Variants in WDR81 observed in about 807,000 individuals in gnomAD.
The protein encoded by WDR81 is WD repeat domain 81, also known as WD repeat-containing protein 81.
A neutral mutation model predicts 140.8 loss-of-function variants in WDR81; 92 were observed. The observed-to-expected ratio is 0.65, with a 90% CI of 0.55 to 0.78. WDR81 has a LOEUF of 0.78. Ranked by LOEUF, WDR81 falls within the 30% of genes least tolerant of loss-of-function variation. WDR81 has a pLI of 0.00. For synonymous variants in WDR81, 1,183 were observed against 1,156.4 expected (o/e 1.02, Z -0.47); for missense variants, 2,502 against 2,636.4 (o/e 0.95, Z 1.12).
chr17:1,733,017 GC>G, intron 6 of WDR81, 186 bp downstream of exon 6: 1 of 697,622 alleles, frequency 1.4e-6, no homozygotes, highest in Non-Finnish European at 2.2e-6. Context: ...CTGAGCAGTA[GC>G]CAGCAAGAGA....
chr17:1,728,760 C>G (rs528217170), intron 1 of WDR81, 134 bp downstream of exon 1: 7 of 1,199,352 alleles, frequency 5.8e-6, no homozygotes, highest in Non-Finnish European at 7.6e-6. Flanking sequence ...CGAGACCATC[C>G]TAATAACAAG....
At chr17:1,730,692 G>T (rs983605393) in intron 2 of WDR81, 63 bp from the exon 3 acceptor site, 89 of 1,534,064 alleles carry the variant, frequency 5.8e-5, no homozygotes, top group Non-Finnish European at 7.4e-5. Context: ...GCACAGCCCT[G>T]CAGGGCCAGG....
upstream of WDR81, among the ~76,000 whole-genome samples, chr17:1,723,216 G>A (rs1231176295): frequency 3.3e-5 from 5 of 151,884 alleles, no homozygotes; most frequent in East Asian, 1.9e-4. Flanking sequence ...ATCCTGTGCC[G>A]CACCCTTCCC....
At chr17:1,728,957 A>G (rs1434574196) in intron 1 of WDR81, among the ~76,000 whole-genome samples, 3 of 151,954 alleles carry the variant, frequency 2.0e-5, no homozygotes, top group Non-Finnish European at 4.4e-5. Context: ...CATCTCAAAA[A>G]AACAAAACAA....
At chr17:1,724,665 C>A, upstream of WDR81, 2 of 1,045,006 alleles carry the variant, frequency 1.9e-6, no homozygotes, top group Non-Finnish European at 2.3e-6. Flanking sequence ...GAGCCACGTG[C>A]GCTTGTTTCC....
Position 1,725,889 on chromosome 17 carries a change from G to A in WDR81, c.930G>A (p.Glu310=), listed in dbSNP as rs373905464. 33 of 1,550,914 alleles carry A rather than the reference G, an allele frequency of 2.1e-5. No individual in the cohort carries two copies. In the African/African-American group the frequency reaches 4.4e-4, roughly 21 times the overall value. ...RLDLSAYERP[E]EDENEEAPVA... is the part of the protein sequence containing the mutation. Reference sequence around the variant, plus strand: ...ACCTGAGTGCTTATGAGAGGCCCGAGGAGGACGAGAATGAGGAGGCCCCTG... The same window carrying A: ...ACCTGAGTGCTTATGAGAGGCCCGAAGAGGACGAGAATGAGGAGGCCCCTG... The change falls in exon 1 of 10, where the codon GAG becomes GAA. Residue 310 remains glutamate (E), a synonymous_variant. Coordinates refer to ENST00000409644, the MANE Select transcript of WDR81 (RefSeq NM_001163809.2).
Position 1,727,491 on chromosome 17 carries a change from A to G in WDR81, c.2532A>G (p.Gln844=). ...GAGCAGAGAGGGGCAAGCTGGACCA[A>G]CTGTTTGAGTACAGGCCTGTCTCCC... ...PMGAERGKLD[Q]LFEYRPVSQG... is the part of the protein sequence containing the mutation. Residue 844 remains glutamine (Q), a synonymous_variant, in exon 1 of 10, where the codon CAA becomes CAG. Coordinates refer to ENST00000409644, the MANE Select transcript of WDR81 (RefSeq NM_001163809.2). 1.3e-6 allele frequency: 2 copies of G among 1,550,364 alleles called. No individual in the cohort carries two copies.
Position 1,725,519 on chromosome 17 carries a change from G to A in WDR81, c.560G>A (p.Cys187Tyr). The A allele has an allele frequency of 6.5e-7, 1 of 1,545,698 alleles. No homozygotes were observed. Reference sequence around the variant, plus strand: ...CAGGCTCTGCAGAGGGTCTATGGTTGCTCCTTCCTGCCAGTGGGTGAAACT... The same window carrying A: ...CAGGCTCTGCAGAGGGTCTATGGTTACTCCTTCCTGCCAGTGGGTGAAACT... ...VRQALQRVYG[C>Y]SFLPVGETTQ... Residue 187 changes from cysteine to tyrosine, a missense_variant, in exon 1 of 10, where the codon TGC becomes TAC. Cys to Tyr is a radical substitution (Grantham distance 194). Around this residue, in one of 3 missense-constraint regions of WDR81, gnomAD observed 547 missense variants for 513.8 expected, o/e 1.06. Transcript: ENST00000409644.
Position 1,733,774 on chromosome 17 carries a change from C to T in WDR81, c.4737C>T (p.Pro1579=), listed in dbSNP as rs111943038. Residue 1579 remains proline, a synonymous_variant, in exon 7 of 10, where the codon CCC becomes CCT. Coordinates refer to ENST00000409644, the MANE Select transcript of WDR81 (RefSeq NM_001163809.2). ...QIPNDSRPEN[P]GPLGPISGVG... Reference sequence around the variant, plus strand: ...CCAATGACTCTCGGCCTGAGAACCCCGGACCACTGGGCCCCATCTCGGGGG... The same window carrying T: ...CCAATGACTCTCGGCCTGAGAACCCTGGACCACTGGGCCCCATCTCGGGGG... The T allele has an allele frequency of 6.5e-4, 1,045 of 1,612,458 alleles. 11 individuals are homozygous for T. The African/African-American group carries it at 0.012, about 18-fold the overall frequency.
At chr17:1,721,479 A>C (rs895603547), upstream of WDR81, among the ~76,000 whole-genome samples, 1 of 151,362 alleles carries the variant, frequency 6.6e-6, no homozygotes, top group Non-Finnish European at 1.5e-5. Flanking sequence ...GTGACAAATC[A>C]CTGCACTGCA....
At chr17:1,734,330 G>A (rs1055497534) in intron 7 of WDR81, 114 bp downstream of exon 7, 10 of 1,277,490 alleles carry the variant, frequency 7.8e-6, no homozygotes, top group Admixed American at 2.9e-5. Context: ...GAGACCCAGC[G>A]AGGCCGCCTA....
chr17:1,730,676 C>T lies in WDR81; in HGVS notation c.3776-79C>T, dbSNP rs530401499. 75 of 1,490,682 alleles carry T rather than the reference C, an allele frequency of 5.0e-5. 1 individual carries two copies. In the East Asian group the frequency reaches 8.5e-4, roughly 17 times the overall value. The allele number at this position is 1,490,682 out of a possible 1,614,324, so 92.3% of individuals were successfully genotyped here. A position where few individuals can be genotyped will look rare whatever the true frequency, so the allele number is the denominator to read the frequency against. On this transcript the variant is annotated intron_variant, in intron 2 of 9. Coordinates refer to ENST00000409644, the MANE Select transcript of WDR81 (RefSeq NM_001163809.2). Reference sequence around the variant, plus strand: ...GGCCCCCAGCTAGAGTGAGCTCAAGCGGCCAGCACAGCCCTGCAGGGCCAG... The same window carrying T: ...GGCCCCCAGCTAGAGTGAGCTCAAGTGGCCAGCACAGCCCTGCAGGGCCAG...
At chr17:1,737,093 G>T (rs1904936514) in intron 9 of WDR81, among the ~76,000 whole-genome samples, 1 of 152,188 alleles carries the variant, frequency 6.6e-6, no homozygotes, top group Non-Finnish European at 1.5e-5. Flanking sequence ...CACCGCATAG[G>T]GTTGTTACGA....
intron 2 of WDR81, 81 bp from the exon 3 acceptor site, chr17:1,730,674 A>G (rs1308572048): frequency 8.7e-6 from 13 of 1,491,624 alleles, no homozygotes; most frequent in Non-Finnish European, 1.1e-5. Context: ...AGTGAGCTCA[A>G]GCGGCCAGCA....
In WDR81 at chr17:1,725,424, C is replaced by T; in HGVS notation, c.465C>T (p.Tyr155=). 1 of 1,549,648 alleles carries T rather than the reference C, an allele frequency of 6.5e-7. No individual in the cohort carries two copies. The highest frequency in any genetic ancestry group is 8.7e-7 in the Non-Finnish European group (1 of 1,147,004). ...QNYRNLWRHA[Y]HTYGQPYSHS... ...ATCGCAACCTGTGGCGCCATGCATA[C>T]CACACTTACGGCCAGCCGTACAGTC... The change falls in exon 1 of 10, where the codon TAC becomes TAT. Residue 155 remains tyrosine, a synonymous_variant. Transcript: ENST00000409644.
chr17:1,720,015 ATAGATTTAATTAGAAAACACCTAGCG>A (rs1227855138), upstream of WDR81, among the ~76,000 whole-genome samples: 310 of 152,260 alleles, frequency 2.0e-3, 1 homozygote, highest in Middle Eastern at 6.8e-3. Context: ...AACACCTAGC[ATAGATTTAATTAGAAAACACCTAGCG>A]TAGATTTAAT....
chr17:1,735,646 C>A lies in WDR81; in HGVS notation c.5254C>A (p.His1752Asn). 1.9e-6 allele frequency: 3 copies of A among 1,612,978 alleles called. No homozygotes were observed. Among genetic ancestry groups the A allele is most frequent in the Non-Finnish European group, 2.5e-6 (3 of 1,179,954 alleles). Reference protein sequence around the residue: ...LTAVAVMPAPHTSITMASSDS... With the variant: ...LTAVAVMPAPNTSITMASSDS... ...TGCGGTGGCTGTCATGCCCGCCCCC[C>A]ACACCAGCATCACCATGGCCAGCTC... The change falls in exon 8 of 10, where the codon CAC (histidine) becomes AAC (asparagine). Residue 1752 changes from histidine to asparagine, a missense_variant. His to Asn is a moderately conservative substitution (Grantham distance 68, BLOSUM62 1). Coordinates refer to ENST00000409644, the MANE Select transcript of WDR81 (RefSeq NM_001163809.2). This position sits in a 1 kb window ranked among gnomAD's most constrained non-coding sequence, Gnocchi z 4.2.
In WDR81 at chr17:1,728,643, G is replaced by A; in HGVS notation, c.3667+17G>A. 6.9e-7 allele frequency: 1 copy of A among 1,450,344 alleles called. No individual in the cohort carries two copies. Among genetic ancestry groups the A allele is most frequent in the Middle Eastern group, 1.8e-4 (1 of 5,488 alleles). 89.8% of individuals were successfully genotyped at this position (1,450,344 alleles called of 1,614,324 possible). ...TCCTCCTTGGTAAGTTCCCAGGTCTGGGAGGTGTTGGTCAAAAACACCTCC... is the reference window on the plus strand; with the variant it reads ...TCCTCCTTGGTAAGTTCCCAGGTCTAGGAGGTGTTGGTCAAAAACACCTCC... On this transcript the variant is annotated intron_variant, in intron 1 of 9. Transcript: ENST00000409644.
At position 1,734,144 on chromosome 17, in the gene WDR81, G is replaced by A. The variant is rs770827829; in HGVS notation, c.5107G>A (p.Val1703Met). 2.8e-5 allele frequency: 45 copies of A among 1,599,016 alleles called. No homozygotes were observed. The highest frequency in any genetic ancestry group is 3.6e-5 in the Non-Finnish European group (42 of 1,179,672). The change falls in exon 7 of 10, where the codon GTG (valine) becomes ATG (methionine). Residue 1703 changes from valine to methionine, a missense_variant. Val to Met is a conservative substitution (Grantham distance 21). This residue lies in a region of WDR81 where 1,737 missense variants were observed against 1,843.0 expected (regional missense o/e 0.94). Coordinates refer to ENST00000409644, the MANE Select transcript of WDR81 (RefSeq NM_001163809.2). ...YTQHRKSVFF[V>M]GQLEAPQHVV... The stretch of plus-strand genomic sequence containing the variant: ...CCAGCACCGCAAGAGCGTCTTCTTC[G>A]TGGGCCAGCTTGAGGCCCCGCAGCA...
Sources: gnomAD v4.1 joint callset for allele counts (sites outside exome capture counted in the v4.1 genomes callset) on GRCh38, gnomAD v4.1.1 for gene constraint, gnomAD v4.1.1 regional missense constraint, Gnocchi (gnomAD v3.1) non-coding constraint, MANE v1.5 for transcripts, NCBI Gene and HGNC (gene_info 2026-07-23, HGNC 2026-07-21) for gene names.